The following ACKR3 variants were observed in gnomAD, a reference collection of about 807,000 sequenced individuals.
The protein encoded by ACKR3 is C-X-C chemokine receptor type 7.
In ACKR3, 6 loss-of-function variants were observed where a neutral mutation model predicts 22.4. The ratio of observed to expected loss-of-function variants is 0.27; its 90% CI spans 0.15 to 0.53. ACKR3 has a LOEUF of 0.53. Ranked by LOEUF, ACKR3 falls within the 20% of genes least tolerant of loss-of-function variation. The pLI, the probability that ACKR3 is intolerant of heterozygous loss-of-function variation, is 0.96. For synonymous variants in ACKR3, 209 were observed against 205.2 expected, an observed-to-expected ratio of 1.02 and a Z score of -0.16; for missense variants, 396 against 475.2, an observed-to-expected ratio of 0.83 and a Z score of 1.55.
At chr2:236,551,319 A>G in the ACKR3 span, among the ~76,000 whole-genome samples, 2 of 152,166 alleles carry the variant, frequency 1.3e-5, no homozygotes, top group South Asian at 4.1e-4. Flanking sequence ...GTCAAGCCTC[A>G]GGAGACCCCA....
the ACKR3 span, among the ~76,000 whole-genome samples, chr2:236,545,955 C>G: frequency 4.6e-5 from 7 of 152,302 alleles, no homozygotes; most frequent in South Asian, 2.1e-4. This position sits in a 1 kb window ranked among gnomAD's most constrained non-coding sequence, Gnocchi z 5.3. Context: ...AAGTTGTGGA[C>G]AGCTGTTCTC....
chr2:236,545,267 G>T, the ACKR3 span, among the ~76,000 whole-genome samples: 4 of 152,200 alleles, frequency 2.6e-5, no homozygotes, highest in South Asian at 6.2e-4. The surrounding 1 kb of genome is among the most constrained non-coding windows in gnomAD (Gnocchi z 5.3). Flanking sequence ...GCCCAAGGGA[G>T]TTTGAGAGTT....
At chr2:236,550,527 T>C in the ACKR3 span, among the ~76,000 whole-genome samples, 4 of 152,140 alleles carry the variant, frequency 2.6e-5, no homozygotes, top group Non-Finnish European at 4.4e-5. This position sits in a 1 kb window ranked among gnomAD's most constrained non-coding sequence, Gnocchi z 4.6. Flanking sequence ...TTCAGGTAGG[T>C]GGTCTGCACC....
chr2:236,561,921 GT>G, the ACKR3 span, among the ~76,000 whole-genome samples: 1 of 152,232 alleles, frequency 6.6e-6, no homozygotes, highest in Non-Finnish European at 1.5e-5. Flanking sequence ...GATAATAAAA[GT>G]TGTTTTACAT....
chr2:236,545,580 C>G, the ACKR3 span, among the ~76,000 whole-genome samples: 3 of 152,156 alleles, frequency 2.0e-5, no homozygotes, highest in Non-Finnish European at 4.4e-5. This position sits in a 1 kb window ranked among gnomAD's most constrained non-coding sequence, Gnocchi z 5.3. Context: ...AATATTAGGG[C>G]TCCGGGGAAG....
At chr2:236,580,085 G>C (rs2106508799) in intron 1 of ACKR3, among the ~76,000 whole-genome samples, 1 of 152,330 alleles carries the variant, frequency 6.6e-6, no homozygotes, top group Non-Finnish European at 1.5e-5. Flanking sequence ...CATCGCGGTG[G>C]CCGGGGCTCA....
In ACKR3 at chr2:236,581,533, C is replaced by G; in HGVS notation, c.1068C>G (p.Ala356=). 6.2e-7 allele frequency: 1 copy of G among 1,613,910 alleles called. No homozygotes were observed. Among genetic ancestry groups the G allele is most frequent in the Non-Finnish European group, 8.5e-7 (1 of 1,179,850 alleles). ...ASRVSETEYS[A]LEQSTK is the part of the protein sequence containing the mutation. ...GAGTCTCAGAGACGGAGTACTCTGC[C>G]TTGGAGCAGAGCACCAAATGATCTG... Residue 356 remains alanine (A), a synonymous_variant, in exon 2 of 2, where the codon GCC becomes GCG. Coordinates refer to ENST00000272928, the MANE Select transcript of ACKR3 (RefSeq NM_020311.3). The surrounding 1 kb of genome is among the most constrained non-coding windows in gnomAD (Gnocchi z 4.4).
chr2:236,566,718 C>CCTTCCCTTCCTTCCTTCCTT (rs1553634519), upstream of ACKR3, among the ~76,000 whole-genome samples: 3 of 114,490 alleles, frequency 2.6e-5, no homozygotes, highest in African/African-American at 1.2e-4. Flanking sequence ...TCCTTTCCTT[C>CCTTCCCTTCCTTCCTTCCTT]CCTTCCTTCC....
At chr2:236,575,613 G>A (rs1414386976) in intron 1 of ACKR3, among the ~76,000 whole-genome samples, 1 of 119,030 alleles carries the variant, frequency 8.4e-6, no homozygotes, top group African/African-American at 4.0e-5. Context: ...TGCTCTGTGT[G>A]TGTGTGTGTC....
the ACKR3 span, among the ~76,000 whole-genome samples, chr2:236,542,947 A>G: frequency 1.2e-5 from 1 of 84,600 alleles, no homozygotes; most frequent in African/African-American, 3.2e-4. Flanking sequence ...AATACATTCT[A>G]TATGCGGGCC....
At chr2:236,558,213 G>A in the ACKR3 span, among the ~76,000 whole-genome samples, 1 of 152,194 alleles carries the variant, frequency 6.6e-6, no homozygotes, top group Non-Finnish European at 1.5e-5. Context: ...TGGGGAGCAG[G>A]GCAACCCTAT....
At chr2:236,542,198 G>A in the ACKR3 span, among the ~76,000 whole-genome samples, 1 of 152,216 alleles carries the variant, frequency 6.6e-6, no homozygotes, top group Non-Finnish European at 1.5e-5. Context: ...AGATTGCACT[G>A]TCTCTTCCCA....
At chr2:236,550,035 G>A in the ACKR3 span, among the ~76,000 whole-genome samples, 4 of 152,130 alleles carry the variant, frequency 2.6e-5, no homozygotes, top group African/African-American at 9.7e-5. This position sits in a 1 kb window ranked among gnomAD's most constrained non-coding sequence, Gnocchi z 4.6. Flanking sequence ...AGGTACCCGG[G>A]GCCCTTTTGA....
the ACKR3 span, among the ~76,000 whole-genome samples, chr2:236,558,950 G>C: frequency 6.6e-6 from 1 of 152,216 alleles, no homozygotes; most frequent in Non-Finnish European, 1.5e-5. Flanking sequence ...GCAGGACTTA[G>C]ATATTTTTAA....
Position 236,577,345 on chromosome 2 carries a change from A to G in ACKR3, c.-26-3095A>G, listed in dbSNP as rs1691431756. Among the ~76,000 whole-genome samples, 1 of 152,228 alleles carries G rather than the reference A, an allele frequency of 6.6e-6. No homozygotes were observed. Among genetic ancestry groups the G allele is most frequent in the Admixed American group, 6.5e-5 (1 of 15,290 alleles). On this transcript the variant is annotated intron_variant, in intron 1 of 1. Transcript: ENST00000272928. This position sits in a 1 kb window ranked among gnomAD's most constrained non-coding sequence, Gnocchi z 5.6. ...ATCTCAGAAATACTGTTTTTGACTC[A>G]GAGGACCAATGGTCCCTAAATCAAA...
At chr2:236,563,669 A>G (rs1691119338), upstream of ACKR3, among the ~76,000 whole-genome samples, 1 of 152,164 alleles carries the variant, frequency 6.6e-6, no homozygotes, top group African/African-American at 2.4e-5. Flanking sequence ...TTTGGTCAAA[A>G]TTGACATGAG....
intron 1 of ACKR3, among the ~76,000 whole-genome samples, chr2:236,575,622 T>C: frequency 8.2e-6 from 1 of 121,786 alleles, no homozygotes; most frequent in Non-Finnish European, 1.7e-5. Flanking sequence ...TGTGTGTGTG[T>C]CTGGGGTTGT....
At chr2:236,537,666 C>T in the ACKR3 span, among the ~76,000 whole-genome samples, 4 of 152,186 alleles carry the variant, frequency 2.6e-5, no homozygotes, top group Admixed American at 6.5e-5. Context: ...TGCCTCTTTA[C>T]GTGGCTGCTT....
chr2:236,541,246 T>C, the ACKR3 span, among the ~76,000 whole-genome samples: 1 of 152,270 alleles, frequency 6.6e-6, no homozygotes, highest in Non-Finnish European at 1.5e-5. Context: ...TTCAGTCTTT[T>C]TCTACTTTTG....
Sources: allele counts gnomAD v4.1 joint callset (sites outside exome capture counted in the v4.1 genomes callset), GRCh38; gene constraint gnomAD v4.1.1; non-coding constraint Gnocchi (gnomAD v3.1); transcripts MANE v1.5; gene names NCBI Gene and HGNC (gene_info 2026-07-23, HGNC 2026-07-21).